SGCD: variants seen among roughly 807,000 people sequenced by gnomAD.
SGCD encodes the protein delta-sarcoglycan.
In SGCD, 18 loss-of-function variants were observed where a neutral mutation model predicts 36.6. That is an observed-to-expected ratio of 0.49 (90% CI 0.34 to 0.73). The LOEUF (loss-of-function observed/expected upper bound fraction) is 0.73. Ranked by LOEUF, SGCD falls within the 30% of genes least tolerant of loss-of-function variation. SGCD has a pLI of 0.01. For missense variants in SGCD, 387 were observed against 346.7 expected (o/e 1.12, Z -0.92); for synonymous variants, 133 against 130.6 (o/e 1.02, Z -0.12).
At chr5:156,513,318 C>T (rs1478616076) in intron 4 of SGCD, among the ~76,000 whole-genome samples, 1 of 152,132 alleles carries the variant, frequency 6.6e-6, no homozygotes, top group Non-Finnish European at 1.5e-5. Flanking sequence ...GTCATAACCT[C>T]ACATGATGCT....
chr5:155,843,676 C>A, the SGCD span, among the ~76,000 whole-genome samples: 1 of 152,194 alleles, frequency 6.6e-6, no homozygotes, highest in Non-Finnish European at 1.5e-5. Context: ...GGAGAGGTAA[C>A]TTCTGGCTCA....
At chr5:156,247,414 G>GT (rs1423334313) in intron 3 of SGCD, among the ~76,000 whole-genome samples, 2 of 152,234 alleles carry the variant, frequency 1.3e-5, no homozygotes, top group Admixed American at 1.3e-4. Context: ...ATTTATAATA[G>GT]TTTTTTTGGT....
At chr5:156,041,474 T>C (rs2127578376) in intron 1 of SGCD, among the ~76,000 whole-genome samples, 1 of 152,178 alleles carries the variant, frequency 6.6e-6, no homozygotes, top group Middle Eastern at 3.4e-3. Flanking sequence ...AGAGAGATGG[T>C]GGAGAGGAGG....
chr5:155,907,663 C>A (rs1406349673), intron 1 of SGCD, among the ~76,000 whole-genome samples: 17 of 152,106 alleles, frequency 1.1e-4, no homozygotes, highest in Non-Finnish European at 1.9e-4. Context: ...TGAATTACTA[C>A]AGTCTCATGC....
chr5:156,147,590 G>A (rs1762735187), intron 3 of SGCD, among the ~76,000 whole-genome samples: 1 of 152,162 alleles, frequency 6.6e-6, no homozygotes, highest in South Asian at 2.1e-4. Flanking sequence ...TTGTCAGGAT[G>A]TTTGTTGAAT....
At chr5:156,411,513 G>A (rs113901257) in intron 3 of SGCD, among the ~76,000 whole-genome samples, 5 of 152,320 alleles carry the variant, frequency 3.3e-5, no homozygotes, top group East Asian at 1.9e-4. Context: ...GGAGCCAGAC[G>A]TGACTGGGCT....
At chr5:156,236,086 T>C (rs1392813683) in intron 3 of SGCD, among the ~76,000 whole-genome samples, 3 of 152,182 alleles carry the variant, frequency 2.0e-5, no homozygotes, top group East Asian at 1.9e-4. Context: ...TGAAAAATAA[T>C]TGAAAGAGAA....
chr5:156,443,446 C>T (rs188123715), intron 3 of SGCD, among the ~76,000 whole-genome samples: 1 of 152,270 alleles, frequency 6.6e-6, no homozygotes, highest in East Asian at 1.9e-4. Context: ...GTTTCCACCC[C>T]AGGAATCCTC....
At chr5:156,122,303 T>C (rs1762061943) in intron 2 of SGCD, among the ~76,000 whole-genome samples, 1 of 152,170 alleles carries the variant, frequency 6.6e-6, no homozygotes, top group Non-Finnish European at 1.5e-5. Context: ...ATAGAATTTC[T>C]TGCATGCATG....
intron 4 of SGCD, among the ~76,000 whole-genome samples, chr5:156,524,093 A>AATATAT (rs1757528636): frequency 1.6e-5 from 1 of 62,470 alleles, no homozygotes; most frequent in African/African-American, 6.3e-5. Flanking sequence ...GTGAGGTCTT[A>AATATAT]CTATATATAT....
intron 3 of SGCD, among the ~76,000 whole-genome samples, chr5:156,381,944 A>AATGATAT (rs1339644075): frequency 1.3e-5 from 2 of 152,214 alleles, no homozygotes; most frequent in Non-Finnish European, 2.9e-5. Flanking sequence ...TAATCTGTGT[A>AATGATAT]AATCACTTAA....
chr5:156,532,992 G>T (rs190902638), intron 4 of SGCD, among the ~76,000 whole-genome samples: 1 of 152,270 alleles, frequency 6.6e-6, no homozygotes, highest in Admixed American at 6.5e-5. Context: ...AACCCAGGTT[G>T]ATTCTCACAC....
chr5:156,407,918 T>A (rs1376074483), intron 3 of SGCD, among the ~76,000 whole-genome samples: 1 of 152,200 alleles, frequency 6.6e-6, no homozygotes, highest in Non-Finnish European at 1.5e-5. Flanking sequence ...TGCCACCTTA[T>A]GGTGTTGTCC....
chr5:156,552,045 T>C (rs1226025829), intron 4 of SGCD, among the ~76,000 whole-genome samples: 3 of 152,222 alleles, frequency 2.0e-5, no homozygotes, highest in Non-Finnish European at 2.9e-5. Context: ...GCATCTGTTA[T>C]GTACTGCCCA....
intron 6 of SGCD, among the ~76,000 whole-genome samples, chr5:156,622,009 C>T (rs1341196616): frequency 2.0e-5 from 3 of 152,174 alleles, no homozygotes; most frequent in Non-Finnish European, 4.4e-5. Flanking sequence ...TAAACCCAGA[C>T]AATCAGACTC....
the SGCD span, among the ~76,000 whole-genome samples, chr5:155,799,821 T>C: frequency 1.4e-5 from 2 of 138,238 alleles, no homozygotes; most frequent in African/African-American, 2.8e-5. Context: ...CCTTTTTTTT[T>C]TTTTTTTTTT....
chr5:156,566,790 T>A (rs1436611789), intron 4 of SGCD, among the ~76,000 whole-genome samples: 3 of 152,208 alleles, frequency 2.0e-5, no homozygotes, highest in African/African-American at 4.8e-5. Context: ...GTTACAGAGA[T>A]ATTAATGTCA....
chr5:155,775,464 A>G, the SGCD span, among the ~76,000 whole-genome samples: 5 of 152,152 alleles, frequency 3.3e-5, no homozygotes, highest in African/African-American at 1.2e-4. Context: ...AATAAGATAC[A>G]GTGCTGATAC....
the SGCD span, among the ~76,000 whole-genome samples, chr5:155,731,595 A>G: frequency 6.6e-6 from 1 of 152,180 alleles, no homozygotes; most frequent in Non-Finnish European, 1.5e-5. Context: ...TTCTTGGTAA[A>G]TGCACACATG....
Sources: gnomAD v4.1 joint callset for allele counts (sites outside exome capture counted in the v4.1 genomes callset) on GRCh38, gnomAD v4.1.1 for gene constraint, MANE v1.5 for transcripts, NCBI Gene and HGNC (gene_info 2026-07-23, HGNC 2026-07-21) for gene names.